The following RASSF6 variants were observed in gnomAD, a reference collection of about 807,000 sequenced individuals.
RASSF6 encodes ras association domain-containing protein 6.
In RASSF6, 52 loss-of-function variants were observed where a neutral mutation model predicts 44.0. The observed-to-expected ratio is 1.18, with a 90% CI of 0.95 to 1.49. The LOEUF (loss-of-function observed/expected upper bound fraction) is 1.49. Ranked by LOEUF, RASSF6 falls within the 40% of genes most tolerant of loss-of-function variation. The probability of loss-of-function intolerance (pLI) is 0.00; values close to 1 mark genes in which losing one functional copy is unlikely to be tolerated. For synonymous variants in RASSF6, 162 were observed against 124.6 expected (o/e 1.30, Z -2.00); for missense variants, 464 against 393.3 (o/e 1.18, Z -1.52).
Position 73,576,233 on chromosome 4 carries a change from T to C in RASSF6, c.*2A>G. On this transcript the variant is annotated 3_prime_UTR_variant, in exon 11 of 11. Coordinates refer to ENST00000307439, the MANE Select transcript of RASSF6 (RefSeq NM_177532.5). ...ATGTTTTAGCAATAGAAGCTTGTACTGCTAAACTGTTGTCTCTGTTTTTAT... is the reference window on the plus strand; with the variant it reads ...ATGTTTTAGCAATAGAAGCTTGTACCGCTAAACTGTTGTCTCTGTTTTTAT... The C allele has an allele frequency of 6.6e-7, 1 of 1,523,178 alleles. No homozygotes were observed. The highest frequency in any genetic ancestry group is 9.0e-7 in the Non-Finnish European group (1 of 1,105,480). 94.4% of individuals were successfully genotyped at this position (1,523,178 alleles called of 1,614,324 possible).
rs1724008734 is a variant in RASSF6 at position 73,585,355 on chromosome 4, G to C, written c.392C>G (p.Ser131Cys). ...TGGCTTCAGGGTGTTGCTGTGATAA[G>C]ATAAATAGTCTGGGAAGAATAGATT... ...EKRNSQEDYL[S>C]YHSNTLKPHA... The change falls in exon 6 of 11, where the codon TCT (serine) becomes TGT (cysteine). Residue 131 changes from serine to cysteine, a missense_variant. By Grantham distance (112) the Ser-to-Cys change is moderately radical. Transcript: ENST00000307439. The C allele has an allele frequency of 1.3e-6, 2 of 1,586,294 alleles. No individual in the cohort carries two copies. Among genetic ancestry groups the C allele is most frequent in the Non-Finnish European group, 1.7e-6 (2 of 1,168,698 alleles).
At position 73,598,784 on chromosome 4, in the gene RASSF6, A is replaced by G. The variant is rs1725101947; in HGVS notation, c.66-66T>C. 4 of 672,144 alleles carry G rather than the reference A, an allele frequency of 6.0e-6. No homozygotes were observed. In the East Asian group the frequency reaches 1.3e-4, roughly 21 times the overall value. 41.6% of individuals were successfully genotyped at this position (672,144 alleles called of 1,614,324 possible). ...TTTTAACGTAAAAGGTGATAATGGTACTTTCATAAAGGTATGAGATAGAAA... is the reference window on the plus strand; with the variant it reads ...TTTTAACGTAAAAGGTGATAATGGTGCTTTCATAAAGGTATGAGATAGAAA... On this transcript the variant is annotated intron_variant, in intron 2 of 10. Coordinates refer to ENST00000307439, the MANE Select transcript of RASSF6 (RefSeq NM_177532.5).
intron 8 of RASSF6, among the ~76,000 whole-genome samples, chr4:73,581,013 C>G (rs980499396): frequency 1.3e-5 from 2 of 151,680 alleles, no homozygotes; most frequent in Admixed American, 6.6e-5. Flanking sequence ...TTAGGTCTAA[C>G]GTTTAAGTCT....
At chr4:73,604,625 C>A (rs370824532) in intron 2 of RASSF6, 12 of 152,302 alleles carry the variant, frequency 7.9e-5, no homozygotes, top group African/African-American at 2.9e-4. Flanking sequence ...AGTTCTCTTG[C>A]ACAGGTTTTC....
chr4:73,603,166 G>T (rs1473477215), intron 2 of RASSF6, among the ~76,000 whole-genome samples: 3 of 152,104 alleles, frequency 2.0e-5, no homozygotes, highest in Admixed American at 6.5e-5. Context: ...ACAAAAAATT[G>T]ATTTTCTAGG....
chr4:73,596,747 A>T (rs1724966934), intron 3 of RASSF6, among the ~76,000 whole-genome samples: 1 of 152,164 alleles, frequency 6.6e-6, no homozygotes, highest in African/African-American at 2.4e-5. Context: ...AGTAACCAAA[A>T]CAGCATGATA....
At chr4:73,601,250 C>T (rs1202368576) in intron 2 of RASSF6, among the ~76,000 whole-genome samples, 1 of 152,222 alleles carries the variant, frequency 6.6e-6, no homozygotes, top group Non-Finnish European at 1.5e-5. Context: ...ATGGTGGTCC[C>T]AGGCTGCCTG....
At chr4:73,607,904 T>G (rs200381378) in intron 2 of RASSF6, among the ~76,000 whole-genome samples, 1 of 58,104 alleles carries the variant, frequency 1.7e-5, no homozygotes, top group Non-Finnish European at 3.2e-5. Context: ...TCCCCTCCCC[T>G]CCTCTCTACT....
rs773946100 is a variant in RASSF6, at chr4:73,585,346, C to T, written c.401G>A (p.Ser134Asn). 13 of 1,594,174 alleles carry T rather than the reference C, an allele frequency of 8.2e-6. No homozygotes were observed. In the South Asian group the frequency reaches 1.2e-4, roughly 14 times the overall value. Reference sequence around the variant, plus strand: ...CTTTGCATGTGGCTTCAGGGTGTTGCTGTGATAAGATAAATAGTCTGGGAA... The same window carrying T: ...CTTTGCATGTGGCTTCAGGGTGTTGTTGTGATAAGATAAATAGTCTGGGAA... ...NSQEDYLSYH[S>N]NTLKPHAKDE... is the part of the protein sequence containing the mutation. The change falls in exon 6 of 11, where the codon AGC becomes AAC. Residue 134 changes from serine (S) to asparagine (N), a missense_variant. Coordinates refer to ENST00000307439, the MANE Select transcript of RASSF6 (RefSeq NM_177532.5).
At chr4:73,607,668 C>T (rs1414088584) in intron 2 of RASSF6, among the ~76,000 whole-genome samples, 1 of 152,160 alleles carries the variant, frequency 6.6e-6, no homozygotes, top group Non-Finnish European at 1.5e-5. Context: ...TGCAAATATT[C>T]AAAACACCCT....
At chr4:73,618,657 A>T (rs1201917533) in intron 1 of RASSF6, among the ~76,000 whole-genome samples, 2 of 152,154 alleles carry the variant, frequency 1.3e-5, no homozygotes, top group African/African-American at 4.8e-5. Flanking sequence ...AGTAAACTTC[A>T]GTTAGGTTGG....
intron 1 of RASSF6, among the ~76,000 whole-genome samples, chr4:73,614,576 A>G (rs916150642): frequency 6.6e-6 from 1 of 152,208 alleles, no homozygotes; most frequent in Non-Finnish European, 1.5e-5. Context: ...TACAAAGTGA[A>G]AATTGGCAGT....
intron 5 of RASSF6, among the ~76,000 whole-genome samples, chr4:73,586,151 G>A (rs1028395082): frequency 2.0e-5 from 3 of 151,336 alleles, no homozygotes; most frequent in African/African-American, 7.3e-5. Context: ...AAAGCAAAAG[G>A]AATAGTATGC....
At chr4:73,579,812 T>A (rs1723483678) in intron 8 of RASSF6, among the ~76,000 whole-genome samples, 1 of 152,038 alleles carries the variant, frequency 6.6e-6, no homozygotes, top group Non-Finnish European at 1.5e-5. Flanking sequence ...ACAACTAGAA[T>A]ATGAATATAT....
intron 4 of RASSF6, 103 bp downstream of exon 4, chr4:73,593,348 T>A: frequency 9.0e-7 from 1 of 1,105,004 alleles, no homozygotes; most frequent in African/African-American, 1.6e-5. Context: ...TTGTGTGTAA[T>A]CAGTTTTACA....
At position 73,571,747 on chromosome 4, in the gene RASSF6, G is replaced by A. The variant is rs917187184; in HGVS notation, c.*4488C>T. Reference sequence around the variant, plus strand: ...AAGACACAATATTAGGTACAGAAAAGCTATAAAGATAAATGTGACACATTC... The same window carrying A: ...AAGACACAATATTAGGTACAGAAAAACTATAAAGATAAATGTGACACATTC... On this transcript the variant is annotated 3_prime_UTR_variant, in exon 11 of 11. Transcript: ENST00000307439. The A allele has an allele frequency of 2.0e-5, 3 of 151,780 alleles. No individual in the cohort carries two copies. The highest frequency in any genetic ancestry group is 4.4e-5 in the Non-Finnish European group (3 of 67,926). The allele number at this position is 151,780 out of a possible 1,614,324, so 9.4% of individuals were successfully genotyped here.
At chr4:73,582,005 G>T in intron 7 of RASSF6, 137 bp from the exon 8 acceptor site, 1 of 700,928 alleles carries the variant, frequency 1.4e-6, no homozygotes, top group Non-Finnish European at 2.4e-6. Flanking sequence ...TGCTCTTATG[G>T]GAATTATATA....
intron 1 of RASSF6, among the ~76,000 whole-genome samples, chr4:73,615,417 T>A (rs1392777440): frequency 6.6e-6 from 1 of 152,012 alleles, no homozygotes; most frequent in Non-Finnish European, 1.5e-5. Flanking sequence ...AACAGAGAAG[T>A]CATGAATAGC....
intron 2 of RASSF6, among the ~76,000 whole-genome samples, chr4:73,611,069 C>G (rs1285852763): frequency 6.6e-6 from 1 of 152,160 alleles, no homozygotes; most frequent in Non-Finnish European, 1.5e-5. Flanking sequence ...TTCTCCTTCT[C>G]TCTGTCATTT....
Sources: gnomAD v4.1 joint callset for allele counts (sites outside exome capture counted in the v4.1 genomes callset) on GRCh38, gnomAD v4.1.1 for gene constraint, MANE v1.5 for transcripts, NCBI Gene and HGNC (gene_info 2026-07-23, HGNC 2026-07-21) for gene names.